BRIP1: variants seen among roughly 807,000 people sequenced by gnomAD.
BRIP1 encodes BRCA1 interacting DNA helicase 1, also known as Fanconi anemia group J protein.
In BRIP1, 88 loss-of-function variants were observed where a neutral mutation model predicts 119.7. The ratio of observed to expected loss-of-function variants is 0.74; its 90% CI spans 0.62 to 0.88. The LOEUF is 0.88. Among genes scored for constraint, BRIP1 ranks in the 40% least tolerant of loss-of-function variants. The pLI is 0.00. For synonymous variants in BRIP1, 443 were observed against 496.5 expected (o/e 0.89, Z 1.43); for missense variants, 1,259 against 1,455.4 (o/e 0.87, Z 2.20).
rs1440600074 is a variant in BRIP1 at position 61,746,150 on chromosome 17, T to C, written c.2098-1559A>G. Reference sequence around the variant, plus strand: ...AGAAATAAACTTCTTAATAAGACTATAAAACAAAACATTAGTAAAATAGTT... The same window carrying C: ...AGAAATAAACTTCTTAATAAGACTACAAAACAAAACATTAGTAAAATAGTT... On this transcript the variant is annotated intron_variant, in intron 14 of 19. Coordinates refer to ENST00000259008, the MANE Select transcript of BRIP1 (RefSeq NM_032043.3). This position sits in a 1 kb window ranked among gnomAD's most constrained non-coding sequence, Gnocchi z 4.9. Among the ~76,000 whole-genome samples the C allele has an allele frequency of 6.6e-6, 1 of 152,128 alleles. No homozygotes were observed. The highest frequency in any genetic ancestry group is 2.4e-5 in the African/African-American group (1 of 41,450).
chr17:61,791,095 C>T (rs1023105421), intron 10 of BRIP1, among the ~76,000 whole-genome samples: 8 of 152,072 alleles, frequency 5.3e-5, no homozygotes, highest in African/African-American at 1.9e-4. Flanking sequence ...TTTTAATAGT[C>T]ACATGCCCCG....
intron 11 of BRIP1, 149 bp downstream of exon 11, chr17:61,784,121 T>C (rs2077664339): frequency 1.5e-6 from 1 of 689,000 alleles, no homozygotes; most frequent in Admixed American, 3.0e-5. Context: ...TAAGTCTGTG[T>C]CAATAAGAGC....
chr17:61,704,723 T>C lies in BRIP1; in HGVS notation c.2493-11211A>G, dbSNP rs1226202082. ...TGTGGGTTTTGTGGAATTAATCTAC[T>C]TCATCTAAGTTATCAAATGTATATG... On this transcript the variant is annotated intron_variant, in intron 17 of 19. Coordinates refer to ENST00000259008, the MANE Select transcript of BRIP1 (RefSeq NM_032043.3). The surrounding 1 kb of genome is among the most constrained non-coding windows in gnomAD (Gnocchi z 5.7). Among the ~76,000 whole-genome samples, 1 of 152,148 alleles carries C rather than the reference T, an allele frequency of 6.6e-6. No homozygotes were observed. Among genetic ancestry groups the C allele is most frequent in the East Asian group, 1.9e-4 (1 of 5,200 alleles).
rs889987815 is a variant in BRIP1, at chr17:61,743,769, C to T, written c.2258-635G>A. Among the ~76,000 whole-genome samples the T allele has an allele frequency of 1.3e-5, 2 of 152,122 alleles. No individual in the cohort carries two copies. Among genetic ancestry groups the T allele is most frequent in the Non-Finnish European group, 2.9e-5 (2 of 68,018 alleles). On this transcript the variant is annotated intron_variant, in intron 15 of 19. Coordinates refer to ENST00000259008, the MANE Select transcript of BRIP1 (RefSeq NM_032043.3). This position sits in a 1 kb window ranked among gnomAD's most constrained non-coding sequence, Gnocchi z 4.3. Reference sequence around the variant, plus strand: ...GTGGCACAATCACAGCTCACTGCAGCCTTGACCTCCTGGGCTCAGGTAATC... The same window carrying T: ...GTGGCACAATCACAGCTCACTGCAGTCTTGACCTCCTGGGCTCAGGTAATC...
Position 61,760,786 on chromosome 17 carries a change from C to T in BRIP1, c.2097+15615G>A, listed in dbSNP as rs1432594636. 1.3e-5 allele frequency among the ~76,000 whole-genome samples: 2 copies of T among 151,736 alleles called. No individual in the cohort carries two copies. The highest frequency in any genetic ancestry group is 4.8e-5 in the African/African-American group (2 of 41,360). On this transcript the variant is annotated intron_variant, in intron 14 of 19. Coordinates refer to ENST00000259008, the MANE Select transcript of BRIP1 (RefSeq NM_032043.3). This position sits in a 1 kb window ranked among gnomAD's most constrained non-coding sequence, Gnocchi z 4.6. ...GAGTTCTTTCCAATCAAAGAAAAGC[C>T]CAAGACCTGTTGGCTCACTGCTGAA...
In BRIP1 at chr17:61,846,230, GAGAGAGAGAGAGAAAA is replaced by G. The variant is rs891782158; in HGVS notation, c.627+855_627+870del. ...ATTTAAAAAATTATATACATATAGAGAGAGAGAGAGAGAAAAAGAGAGAGAGAGAGAAAGAGAGAGA... is the reference window on the plus strand; with the variant it reads ...ATTTAAAAAATTATATACATATAGAGAGAGAGAGAGAGAGAAAGAGAGAGA... On this transcript the variant is annotated intron_variant, in intron 6 of 19. Coordinates refer to ENST00000259008, the MANE Select transcript of BRIP1 (RefSeq NM_032043.3). This position sits in a 1 kb window ranked among gnomAD's most constrained non-coding sequence, Gnocchi z 4.3. Among the ~76,000 whole-genome samples the G allele has an allele frequency of 7.9e-4, 99 of 124,864 alleles. No homozygotes were observed. Among genetic ancestry groups the G allele is most frequent in the African/African-American group, 5.7e-3 (95 of 16,788 alleles). The allele number at this position is 124,864 out of a possible 152,430, so 81.9% of individuals were successfully genotyped here. A position where few individuals can be genotyped will look rare whatever the true frequency, so the allele number is the denominator to read the frequency against.
intron 17 of BRIP1, among the ~76,000 whole-genome samples, chr17:61,711,524 G>A (rs910015231): frequency 6.6e-6 from 1 of 152,082 alleles, no homozygotes; most frequent in African/African-American, 2.4e-5. Flanking sequence ...CTTAACCATA[G>A]ACCTGAATCA....
chr17:61,690,001 G>A lies in BRIP1; in HGVS notation c.2575+3429C>T, dbSNP rs2144153229. 6.6e-6 allele frequency among the ~76,000 whole-genome samples: 1 copy of A among 152,254 alleles called. No individual in the cohort carries two copies. Among genetic ancestry groups the A allele is most frequent in the East Asian group, 1.9e-4 (1 of 5,162 alleles). On this transcript the variant is annotated intron_variant, in intron 18 of 19. Coordinates refer to ENST00000259008, the MANE Select transcript of BRIP1 (RefSeq NM_032043.3). This position sits in a 1 kb window ranked among gnomAD's most constrained non-coding sequence, Gnocchi z 5.6. The stretch of plus-strand genomic sequence containing the variant: ...TGCCTGGGTGGCAGAGTAACATCCT[G>A]TCTCCAAAAAGAGAAAGATTTCTCA...
rs1260233141 is a variant in BRIP1 at position 61,735,586 on chromosome 17, C to T, written c.2379+7427G>A. Among the ~76,000 whole-genome samples, 2 of 149,844 alleles carry T rather than the reference C, an allele frequency of 1.3e-5. No individual in the cohort carries two copies. Among genetic ancestry groups the T allele is most frequent in the East Asian group, 2.0e-4 (1 of 5,052 alleles). The stretch of plus-strand genomic sequence containing the variant: ...GGTGGATTACTTGAGCTCAGGAGTT[C>T]GAGACCAGCCTGGGCAACATAGCAA... On this transcript the variant is annotated intron_variant, in intron 16 of 19. Coordinates refer to ENST00000259008, the MANE Select transcript of BRIP1 (RefSeq NM_032043.3). This position sits in a 1 kb window ranked among gnomAD's most constrained non-coding sequence, Gnocchi z 4.4.
chr17:61,792,745 T>A (rs2077837919), intron 10 of BRIP1, among the ~76,000 whole-genome samples: 1 of 152,206 alleles, frequency 6.6e-6, no homozygotes, highest in African/African-American at 2.4e-5. Flanking sequence ...TGTATGATAC[T>A]GTAGTGGTGG....
chr17:61,776,665 CAATT>C lies in BRIP1; in HGVS notation c.1936-107_1936-104del. 7.9e-7 allele frequency: 1 copy of C among 1,258,530 alleles called. No individual in the cohort carries two copies. The highest frequency in any genetic ancestry group is 1.2e-6 in the Non-Finnish European group (1 of 866,688). 78.0% of individuals were successfully genotyped at this position (1,258,530 alleles called of 1,614,324 possible). ...ATAAAAGATCAAGCAACAAGTTTAACAATTTATTTTTAAATTGTCAGGGGGTTTT... is the reference window on the plus strand; with the variant it reads ...ATAAAAGATCAAGCAACAAGTTTAACTATTTTTAAATTGTCAGGGGGTTTT... On this transcript the variant is annotated intron_variant, in intron 13 of 19. Coordinates refer to ENST00000259008, the MANE Select transcript of BRIP1 (RefSeq NM_032043.3). This position sits in a 1 kb window ranked among gnomAD's most constrained non-coding sequence, Gnocchi z 5.0.
At position 61,759,872 on chromosome 17, in the gene BRIP1, C is replaced by G. The variant is rs771311965; in HGVS notation, c.2098-15281G>C. 6.8e-5 allele frequency among the ~76,000 whole-genome samples: 10 copies of G among 146,214 alleles called. No individual in the cohort carries two copies. Among genetic ancestry groups the G allele is most frequent in the Non-Finnish European group, 1.5e-4 (10 of 66,296 alleles). On this transcript the variant is annotated intron_variant, in intron 14 of 19. Coordinates refer to ENST00000259008, the MANE Select transcript of BRIP1 (RefSeq NM_032043.3). The surrounding 1 kb of genome is among the most constrained non-coding windows in gnomAD (Gnocchi z 4.9). ...AGACTTGCTTGACACAGGGTTGCCA[C>G]AAACCTTTAATTTATGAAAAAAAAA...
rs956320116 is a variant in BRIP1, at chr17:61,703,524, G to C, written c.2493-10012C>G. 8.5e-5 allele frequency among the ~76,000 whole-genome samples: 13 copies of C among 152,164 alleles called. No individual in the cohort carries two copies. Among genetic ancestry groups the C allele is most frequent in the Non-Finnish European group, 1.5e-5 (1 of 68,030 alleles). ...TGCTTGTCAATTTAAGTTCCTTATG[G>C]ATTCTGGATATTAGACGTTTGTAAG... On this transcript the variant is annotated intron_variant, in intron 17 of 19. Transcript: ENST00000259008. The surrounding 1 kb of genome is among the most constrained non-coding windows in gnomAD (Gnocchi z 5.0).
Position 61,700,105 on chromosome 17 carries a change from T to TAACTGTTCCAAGTGAATTGCTG in BRIP1, c.2493-6615_2493-6594dup, listed in dbSNP as rs1195931451. Among the ~76,000 whole-genome samples the TAACTGTTCCAAGTGAATTGCTG allele has an allele frequency of 6.6e-6, 1 of 152,142 alleles. No homozygotes were observed. Among genetic ancestry groups the TAACTGTTCCAAGTGAATTGCTG allele is most frequent in the African/African-American group, 2.4e-5 (1 of 41,430 alleles). ...TATACAGTTATATCCTGAGGCTATC[T>TAACTGTTCCAAGTGAATTGCTG]AACTGTTCCAAGTGAATTGCTGAAC... On this transcript the variant is annotated intron_variant, in intron 17 of 19. Coordinates refer to ENST00000259008, the MANE Select transcript of BRIP1 (RefSeq NM_032043.3). This position sits in a 1 kb window ranked among gnomAD's most constrained non-coding sequence, Gnocchi z 4.1.
At chr17:61,830,547 C>G (rs1458537256) in intron 6 of BRIP1, among the ~76,000 whole-genome samples, 1 of 152,028 alleles carries the variant, frequency 6.6e-6, no homozygotes, top group Non-Finnish European at 1.5e-5. Flanking sequence ...ATATTTTGAA[C>G]ATTATGCCAA....
At position 61,796,170 on chromosome 17, in the gene BRIP1, G is replaced by A. The variant is rs1422676529; in HGVS notation, c.1341-2441C>T. Among the ~76,000 whole-genome samples the A allele has an allele frequency of 6.6e-6, 1 of 151,960 alleles. No individual in the cohort carries two copies. The highest frequency in any genetic ancestry group is 1.9e-4 in the East Asian group (1 of 5,184). ...TGGTTATTAATCCCTTGTCAGATGG[G>A]TAGTTTGCAAATATTTTCTCCCATT... On this transcript the variant is annotated intron_variant, in intron 9 of 19. Transcript: ENST00000259008. This position sits in a 1 kb window ranked among gnomAD's most constrained non-coding sequence, Gnocchi z 4.8.
chr17:61,859,524 G>T (rs1316087072), intron 3 of BRIP1, among the ~76,000 whole-genome samples: 1 of 151,952 alleles, frequency 6.6e-6, no homozygotes, highest in Non-Finnish European at 1.5e-5. Context: ...TGTAGAGATG[G>T]GGTATCACCA....
At position 61,794,354 on chromosome 17, in the gene BRIP1, A is replaced by G. The variant is rs1289076684; in HGVS notation, c.1341-625T>C. ...AAATGTCAGGTAGTCATGGGATACT[A>G]TATGGCCATAAAAAAGAACAAGAAC... is the stretch of plus-strand genomic sequence containing the variant. On this transcript the variant is annotated intron_variant, in intron 9 of 19. Coordinates refer to ENST00000259008, the MANE Select transcript of BRIP1 (RefSeq NM_032043.3). This position sits in a 1 kb window ranked among gnomAD's most constrained non-coding sequence, Gnocchi z 4.3. 1.3e-5 allele frequency among the ~76,000 whole-genome samples: 2 copies of G among 152,120 alleles called. No individual in the cohort carries two copies. The highest frequency in any genetic ancestry group is 4.8e-5 in the African/African-American group (2 of 41,438).
chr17:61,751,261 A>G lies in BRIP1; in HGVS notation c.2098-6670T>C, dbSNP rs972911307. Among the ~76,000 whole-genome samples, 5 of 152,198 alleles carry G rather than the reference A, an allele frequency of 3.3e-5. No homozygotes were observed. Among genetic ancestry groups the G allele is most frequent in the African/African-American group, 4.8e-5 (2 of 41,456 alleles). On this transcript the variant is annotated intron_variant, in intron 14 of 19. Coordinates refer to ENST00000259008, the MANE Select transcript of BRIP1 (RefSeq NM_032043.3). This position sits in a 1 kb window ranked among gnomAD's most constrained non-coding sequence, Gnocchi z 6.7. ...ACAAATATTATATGATTTCACTTAT[A>G]TGAGGTACCTAGAATAGACAAATTC...
Sources: gnomAD v4.1 joint callset for allele counts (sites outside exome capture counted in the v4.1 genomes callset) on GRCh38, gnomAD v4.1.1 for gene constraint, Gnocchi (gnomAD v3.1) non-coding constraint, MANE v1.5 for transcripts, NCBI Gene and HGNC (gene_info 2026-07-23, HGNC 2026-07-21) for gene names.